Variants in LIFR observed in about 807,000 individuals in gnomAD.
LIFR encodes leukemia inhibitory factor receptor.
Under a neutral mutation model 122.2 loss-of-function variants are expected in LIFR, and 84 were observed. The ratio of observed to expected loss-of-function variants is 0.69; its 90% CI spans 0.58 to 0.82. The LOEUF is 0.82. Ranked by LOEUF, LIFR falls within the 40% of genes least tolerant of loss-of-function variation. LIFR has a pLI of 0.00. For synonymous variants in LIFR, 422 were observed against 434.7 expected (o/e 0.97, Z 0.36); for missense variants, 1,294 against 1,311.6 (o/e 0.99, Z 0.21).
intron 7 of LIFR, among the ~76,000 whole-genome samples, chr5:38,509,112 TATGATAAAAG>T (rs1370405303): frequency 1.3e-5 from 2 of 152,232 alleles, no homozygotes; most frequent in Non-Finnish European, 2.9e-5. Flanking sequence ...GTTCTATTAC[TATGATAAAAG>T]ATTACAACAC....
At chr5:38,502,923 A>G in intron 10 of LIFR, 124 bp from the exon 11 acceptor site, 1 of 466,876 alleles carries the variant, frequency 2.1e-6, no homozygotes, top group Non-Finnish European at 3.6e-6. Flanking sequence ...ACACAAACCA[A>G]CGGAATGTCA....
intron 7 of LIFR, 72 bp downstream of exon 7, chr5:38,510,392 A>C (rs2112491110): frequency 2.4e-5 from 31 of 1,303,132 alleles, no homozygotes; most frequent in Admixed American, 3.4e-5. Flanking sequence ...CCCCCACTCC[A>C]GAAGAATTAA....
Position 38,481,573 on chromosome 5 carries a change from C to A in LIFR, c.*22G>T. 6.2e-7 allele frequency: 1 copy of A among 1,613,884 alleles called. No homozygotes were observed. The highest frequency in any genetic ancestry group is 8.5e-7 in the Non-Finnish European group (1 of 1,179,764). ...AGTAAGAGCTTATTGAGATGGCTGA[C>A]TGAAGTGACACGGTGACACTGTTAA... On this transcript the variant is annotated 3_prime_UTR_variant, in exon 20 of 20. Coordinates refer to ENST00000453190, the MANE Select transcript of LIFR (RefSeq NM_001127671.2).
At chr5:38,544,158 G>C (rs1442006173) in intron 1 of LIFR, among the ~76,000 whole-genome samples, 1 of 151,900 alleles carries the variant, frequency 6.6e-6, no homozygotes. Context: ...AACCTCTTTT[G>C]CCTGAACTGC....
intron 15 of LIFR, 139 bp downstream of exon 15, chr5:38,490,051 A>G: frequency 4.4e-6 from 2 of 459,226 alleles, no homozygotes; most frequent in Non-Finnish European, 7.9e-6. Flanking sequence ...TAGTAATCAA[A>G]TACTTTTTAA....
chr5:38,486,832 G>A lies in LIFR; in HGVS notation c.2336-852C>T, dbSNP rs143130974. ...CACCCTTTCCCCCACCACATCATTC[G>A]TATAGAAACATCGGAACTTTTGATG... On this transcript the variant is annotated intron_variant, in intron 16 of 19. Transcript: ENST00000453190. Among the ~76,000 whole-genome samples the A allele has an allele frequency of 3.4e-3, 511 of 152,166 alleles. 3 individuals carry two copies. Among genetic ancestry groups the A allele is most frequent in the African/African-American group, 0.011 (472 of 41,502 alleles).
At chr5:38,524,584 T>C (rs1746576231) in intron 4 of LIFR, among the ~76,000 whole-genome samples, 1 of 152,202 alleles carries the variant, frequency 6.6e-6, no homozygotes, top group Non-Finnish European at 1.5e-5. Flanking sequence ...CTCAAGTTTC[T>C]AGCTCAGAAA....
At chr5:38,545,125 C>G (rs1580158057) in intron 1 of LIFR, among the ~76,000 whole-genome samples, 1 of 152,164 alleles carries the variant, frequency 6.6e-6, no homozygotes, top group East Asian at 1.9e-4. Context: ...CACAAATTAG[C>G]CGGGCGTGGT....
chr5:38,530,353 A>G lies in LIFR; in HGVS notation c.142+153T>C, dbSNP rs1485682478. 2.7e-5 allele frequency among the ~76,000 whole-genome samples: 4 copies of G among 150,024 alleles called. 1 individual carries two copies. The East Asian group carries it at 8.0e-4, about 30-fold the overall frequency. ...ATCTATCATTAAGGATCTTTTTAAA[A>G]GAAACTAAAAGTACATAGAAAAAAG... On this transcript the variant is annotated intron_variant, in intron 2 of 19. Transcript: ENST00000453190.
intron 7 of LIFR, among the ~76,000 whole-genome samples, chr5:38,510,174 A>C (rs1034937469): frequency 6.6e-6 from 1 of 152,222 alleles, no homozygotes; most frequent in African/African-American, 2.4e-5. Flanking sequence ...CCTATCCTTA[A>C]CAAAGCTGTT....
At chr5:38,546,384 A>G (rs900696584) in intron 1 of LIFR, among the ~76,000 whole-genome samples, 12 of 152,362 alleles carry the variant, frequency 7.9e-5, no homozygotes, top group Non-Finnish European at 7.3e-5. Context: ...CTTTGCCTTT[A>G]GATGTGTTTT....
At chr5:38,572,021 A>G (rs1749230850) in intron 1 of LIFR, among the ~76,000 whole-genome samples, 1 of 152,244 alleles carries the variant, frequency 6.6e-6, no homozygotes, top group South Asian at 2.1e-4. Flanking sequence ...CTATAGCTTA[A>G]GCCCACTTTA....
intron 1 of LIFR, among the ~76,000 whole-genome samples, chr5:38,531,106 G>A (rs1746984455): frequency 6.6e-6 from 1 of 152,194 alleles, no homozygotes; most frequent in African/African-American, 2.4e-5. Flanking sequence ...TATTAGTTTT[G>A]TCTCCCATTT....
chr5:38,560,736 C>T (rs915177933), upstream of LIFR, among the ~76,000 whole-genome samples: 1 of 151,856 alleles, frequency 6.6e-6, no homozygotes, highest in Non-Finnish European at 1.5e-5. Flanking sequence ...GCTGGGATTA[C>T]AGGTGTCCGC....
chr5:38,483,273 T>G (rs1434607273), intron 18 of LIFR, among the ~76,000 whole-genome samples: 1 of 152,244 alleles, frequency 6.6e-6, no homozygotes, highest in African/African-American at 2.4e-5. Context: ...TATTTTTATA[T>G]TTATAGCTAC....
chr5:38,578,614 C>T (rs376095030), intron 1 of LIFR, among the ~76,000 whole-genome samples: 18 of 150,518 alleles, frequency 1.2e-4, no homozygotes, highest in East Asian at 4.0e-4. Context: ...TGTAGTGGTG[C>T]GATCCTGGCT....
At chr5:38,593,151 C>T (rs35857568) in intron 1 of LIFR, among the ~76,000 whole-genome samples, 52,899 of 151,492 alleles carry the variant, frequency 0.35, 9,495 homozygotes, top group South Asian at 0.45. Context: ...TGCGGTGAGC[C>T]GAGGTCGAGC....
chr5:38,602,602 C>T (rs1026404639), intron 2 of LIFR, among the ~76,000 whole-genome samples: 2 of 151,946 alleles, frequency 1.3e-5, no homozygotes, highest in Non-Finnish European at 2.9e-5. Flanking sequence ...TTTATCTTGC[C>T]GTCTAAATTC....
intron 1 of LIFR, among the ~76,000 whole-genome samples, chr5:38,533,735 G>A (rs1228725373): frequency 6.6e-6 from 1 of 152,192 alleles, no homozygotes. Flanking sequence ...GGTAGAGACA[G>A]ATCAGGAAAC....
Sources: allele counts gnomAD v4.1 joint callset (sites outside exome capture counted in the v4.1 genomes callset), GRCh38; gene constraint gnomAD v4.1.1; transcripts MANE v1.5; gene names NCBI Gene and HGNC (gene_info 2026-07-23, HGNC 2026-07-21).